The following TMCC1 variants were observed in gnomAD, a reference collection of about 807,000 sequenced individuals.
The protein encoded by TMCC1 is transmembrane and coiled-coil domain family 1, also known as transmembrane and coiled-coil domains protein 1.
A neutral mutation model predicts 52.4 loss-of-function variants in TMCC1; 15 were observed. That is an observed-to-expected ratio of 0.29 (90% confidence interval 0.19 to 0.44). TMCC1 has a LOEUF of 0.44. Ranked by LOEUF, TMCC1 falls within the 20% of genes least tolerant of loss-of-function variation. The pLI, the probability that TMCC1 is intolerant of heterozygous loss-of-function variation, is 1.00. For missense variants in TMCC1, 503 were observed against 806.0 expected, an observed-to-expected ratio of 0.62 and a Z score of 4.55; for synonymous variants, 279 against 301.9, an observed-to-expected ratio of 0.92 and a Z score of 0.79.
intron 4 of TMCC1, among the ~76,000 whole-genome samples, chr3:129,784,083 A>G (rs1175200554): frequency 6.6e-6 from 1 of 152,196 alleles, no homozygotes; most frequent in Non-Finnish European, 1.5e-5. Flanking sequence ...CGGCAGTGGT[A>G]GTATGGGAAG....
At chr3:129,748,731 G>C (rs1404035329) in intron 4 of TMCC1, among the ~76,000 whole-genome samples, 2 of 151,998 alleles carry the variant, frequency 1.3e-5, no homozygotes, top group African/African-American at 4.8e-5. Context: ...GGCCAGCTGG[G>C]GTAGCTCACG....
chr3:129,667,364 A>T (rs1187359895), intron 5 of TMCC1, among the ~76,000 whole-genome samples: 1 of 152,148 alleles, frequency 6.6e-6, no homozygotes, highest in Non-Finnish European at 1.5e-5. Flanking sequence ...TCTGCTTTAT[A>T]CAGGGAATTA....
chr3:129,808,056 T>C (rs2107787793), intron 4 of TMCC1, among the ~76,000 whole-genome samples: 1 of 129,146 alleles, frequency 7.7e-6, no homozygotes, highest in African/African-American at 3.0e-5. Flanking sequence ...AATGCTGTTT[T>C]GAAAATATTG....
intron 4 of TMCC1, among the ~76,000 whole-genome samples, chr3:129,761,957 C>T (rs1421285147): frequency 6.9e-6 from 1 of 144,374 alleles, no homozygotes; most frequent in East Asian, 2.0e-4. Context: ...TGCCATTGCA[C>T]TCCAGCCTGG....
At chr3:129,871,960 T>C (rs2060953480) in intron 2 of TMCC1, among the ~76,000 whole-genome samples, 1 of 152,232 alleles carries the variant, frequency 6.6e-6, no homozygotes. Context: ...ATAACACATC[T>C]AAGTTGTAAA....
chr3:129,801,548 G>A (rs1467220696), intron 4 of TMCC1, among the ~76,000 whole-genome samples: 3 of 151,980 alleles, frequency 2.0e-5, no homozygotes, highest in Non-Finnish European at 2.9e-5. Flanking sequence ...TGCACCCTCT[G>A]CCCCCCAGGT....
At chr3:129,769,144 C>T (rs1002849188) in intron 4 of TMCC1, among the ~76,000 whole-genome samples, 2 of 152,256 alleles carry the variant, frequency 1.3e-5, no homozygotes, top group African/African-American at 4.8e-5. Flanking sequence ...GCAAGCTTGT[C>T]CAACCCATTG....
Position 129,827,691 on chromosome 3 carries a change from A to T in TMCC1, c.576+112T>A. 3.0e-6 allele frequency: 4 copies of T among 1,323,930 alleles called. No homozygotes were observed. The South Asian group carries it at 6.2e-5, about 20-fold the overall frequency. The allele number at this position is 1,323,930 out of a possible 1,614,324, so 82.0% of individuals were successfully genotyped here. A position where few individuals can be genotyped will look rare whatever the true frequency, so the allele number is the denominator to read the frequency against. On this transcript the variant is annotated intron_variant, in intron 4 of 6. Coordinates refer to ENST00000393238, the MANE Select transcript of TMCC1 (RefSeq NM_001017395.5). ...TGAAAAGGGGAAAAATTCTTTTACC[A>T]CAACTTTAAGGTATTTGCTGAGATA...
intron 4 of TMCC1, among the ~76,000 whole-genome samples, chr3:129,809,401 G>C (rs756318808): frequency 1.1e-4 from 16 of 152,156 alleles, no homozygotes; most frequent in East Asian, 5.8e-4. Context: ...TTAAATTCCT[G>C]GTTTTAATAA....
chr3:129,887,376 T>C (rs895508739), intron 1 of TMCC1, among the ~76,000 whole-genome samples: 1 of 151,914 alleles, frequency 6.6e-6, no homozygotes, highest in Non-Finnish European at 1.5e-5. Flanking sequence ...ATCCCGTCTC[T>C]ATTAAAAATA....
chr3:129,675,072 C>T (rs1240630934), intron 4 of TMCC1, among the ~76,000 whole-genome samples: 2 of 152,118 alleles, frequency 1.3e-5, no homozygotes, highest in African/African-American at 2.4e-5. Flanking sequence ...ATTCCTGACC[C>T]CCAGTGATCT....
chr3:129,667,322 T>A (rs2087548728), intron 5 of TMCC1, among the ~76,000 whole-genome samples: 1 of 151,692 alleles, frequency 6.6e-6, no homozygotes, highest in African/African-American at 2.4e-5. Flanking sequence ...GTTTACTGTA[T>A]AAAGCCATAT....
intron 2 of TMCC1, among the ~76,000 whole-genome samples, chr3:129,878,069 C>CT (rs2061305313): frequency 2.0e-5 from 3 of 152,082 alleles, no homozygotes; most frequent in African/African-American, 7.2e-5. Context: ...AGTGATTCTC[C>CT]TGCCTCAGCC....
intron 4 of TMCC1, among the ~76,000 whole-genome samples, chr3:129,801,824 A>G (rs757597496): frequency 9.2e-5 from 14 of 152,216 alleles, no homozygotes; most frequent in Non-Finnish European, 1.9e-4. Context: ...TTCATTTTCT[A>G]TAGAAGTAAG....
chr3:129,739,413 C>T (rs9875781), intron 4 of TMCC1, among the ~76,000 whole-genome samples: 14,033 of 152,164 alleles, frequency 0.092, 2,106 homozygotes, highest in African/African-American at 0.32. Flanking sequence ...GTGATCCACC[C>T]GCCTCGGCCT....
intron 5 of TMCC1, among the ~76,000 whole-genome samples, chr3:129,668,594 A>G (rs1010270518): frequency 6.6e-5 from 10 of 152,218 alleles, no homozygotes; most frequent in African/African-American, 2.4e-4. Context: ...CTTATTGAAT[A>G]AGATACTGTC....
intron 4 of TMCC1, among the ~76,000 whole-genome samples, chr3:129,777,558 A>G (rs917679322): frequency 1.4e-4 from 21 of 152,194 alleles, no homozygotes; most frequent in Non-Finnish European, 2.5e-4. Flanking sequence ...GTGACTCCCA[A>G]TCCCAGAGAA....
intron 4 of TMCC1, among the ~76,000 whole-genome samples, chr3:129,677,287 T>C (rs1309687373): frequency 1.3e-5 from 2 of 152,040 alleles, no homozygotes; most frequent in African/African-American, 4.8e-5. Context: ...GCTATAATAT[T>C]CAAGAATCAT....
intron 2 of TMCC1, among the ~76,000 whole-genome samples, chr3:129,838,752 CAAAAAAAAA>C (rs35240365): frequency 1.5e-5 from 1 of 65,826 alleles, no homozygotes; most frequent in Non-Finnish European, 2.5e-5. Context: ...GACTCTGTCT[CAAAAAAAAA>C]AAAAAAAAAA....
Sources: gnomAD v4.1 joint callset for allele counts (sites outside exome capture counted in the v4.1 genomes callset) on GRCh38, gnomAD v4.1.1 for gene constraint, MANE v1.5 for transcripts, NCBI Gene and HGNC (gene_info 2026-07-23, HGNC 2026-07-21) for gene names.